CSMD2: variants seen among roughly 807,000 people sequenced by gnomAD.
The protein encoded by CSMD2 is CUB and sushi domain-containing protein 2.
In CSMD2, 130 loss-of-function variants were observed where a neutral mutation model predicts 398.5. The ratio of observed to expected loss-of-function variants is 0.33; its 90% CI spans 0.28 to 0.38. The LOEUF (loss-of-function observed/expected upper bound fraction) is 0.38, where lower values mean the gene tolerates loss of function less well. Ranked by LOEUF, CSMD2 falls within the 10% of genes least tolerant of loss-of-function variation. CSMD2 has a pLI of 1.00. For missense variants in CSMD2, 3,829 were observed against 4,764.9 expected (o/e 0.80, Z 5.78); for synonymous variants, 1,828 against 1,908.5 (o/e 0.96, Z 1.10).
At chr1:33,765,536 T>C (rs540833096) in intron 13 of CSMD2, among the ~76,000 whole-genome samples, 45 of 152,302 alleles carry the variant, frequency 3.0e-4, no homozygotes, top group African/African-American at 5.8e-4. Context: ...ATATTATACA[T>C]TCATCTAAGT....
Position 33,820,523 on chromosome 1 carries a change from ATAT to A in CSMD2, c.1142_1144del (p.Asn381del), listed in dbSNP as rs1657991442. 1 of 1,580,876 alleles carries A rather than the reference ATAT, an allele frequency of 6.3e-7. No individual in the cohort carries two copies. The highest frequency in any genetic ancestry group is 1.4e-5 in the African/African-American group (1 of 73,438). ...TTCGGGTATGCCAGGGTCTGGACAC[ATAT>A]TATGTCCTTGGGACACACCAACCTG... On this transcript the variant is annotated inframe_deletion, in exon 8 of 71. Coordinates refer to ENST00000373381, the MANE Select transcript of CSMD2 (RefSeq NM_001281956.2).
In CSMD2 at chr1:33,724,395, C is replaced by T. The variant is rs1646458237; in HGVS notation, c.2885-82G>A. The T allele has an allele frequency of 1.2e-5, 18 of 1,500,838 alleles. No individual in the cohort carries two copies. The South Asian group carries it at 1.7e-4, about 15-fold the overall frequency. The allele number at this position is 1,500,838 out of a possible 1,614,324, so 93.0% of individuals were successfully genotyped here. ...GTCATCCTCCTGGGACCCCATCCCC[C>T]ATCTCTCGAAAGCCCAACCTTCGCT... On this transcript the variant is annotated intron_variant, in intron 18 of 70. Transcript: ENST00000373381.
intron 3 of CSMD2, among the ~76,000 whole-genome samples, chr1:33,938,511 G>A (rs1188834495): frequency 6.6e-6 from 1 of 150,830 alleles, no homozygotes; most frequent in African/African-American, 2.4e-5. Flanking sequence ...TGGTTTACTT[G>A]GCATTCCCTA....
intron 2 of CSMD2, among the ~76,000 whole-genome samples, chr1:34,069,571 A>T (rs1391113926): frequency 6.6e-6 from 1 of 152,226 alleles, no homozygotes; most frequent in Admixed American, 6.5e-5. Flanking sequence ...GGAGTGCCTG[A>T]CTTTAAAGCT....
rs1404643689 is a variant in CSMD2, at chr1:33,546,044, C to A, written c.9093G>T (p.Glu3031Asp). Residue 3031 changes from glutamate (E) to aspartate (D), a missense_variant, in exon 57 of 71, where the codon GAG becomes GAT. Physicochemically the swap from Glu to Asp is conservative, Grantham distance 45. Coordinates refer to ENST00000373381, the MANE Select transcript of CSMD2 (RefSeq NM_001281956.2). ...AATGGTCACATACATTACCTCCACA[C>A]TCAGGCTGCGAGCCGCTCCACGAGC... ...ANGSWSGSQP[E>D]CGVISCGNPG... The A allele has an allele frequency of 6.2e-7, 1 of 1,612,440 alleles. No homozygotes were observed. Among genetic ancestry groups the A allele is most frequent in the Admixed American group, 1.7e-5 (1 of 59,986 alleles).
At chr1:33,749,659 T>C (rs1349030956) in intron 13 of CSMD2, among the ~76,000 whole-genome samples, 2 of 151,988 alleles carry the variant, frequency 1.3e-5, no homozygotes, top group South Asian at 2.1e-4. Flanking sequence ...TAAGTAGAAA[T>C]AGAAAAGATA....
At position 33,602,580 on chromosome 1, in the gene CSMD2, G is replaced by T. The variant is rs374608102; in HGVS notation, c.6533-34C>A. On this transcript the variant is annotated intron_variant, in intron 42 of 70. Transcript: ENST00000373381. ...GAGGGAACACAAACGTAAGTGCAGG[G>T]CCTCGGTACCCACCTGAGAATTCAG... 1.2e-5 allele frequency: 18 copies of T among 1,521,086 alleles called. No individual in the cohort carries two copies. The South Asian group carries it at 2.1e-4, about 18-fold the overall frequency. 94.2% of individuals were successfully genotyped at this position (1,521,086 alleles called of 1,614,324 possible).
At chr1:34,082,419 G>C (rs1362582428) in intron 2 of CSMD2, among the ~76,000 whole-genome samples, 1 of 151,676 alleles carries the variant, frequency 6.6e-6, no homozygotes, top group East Asian at 2.0e-4. Flanking sequence ...GGAGGTGGGG[G>C]GCGCCCCCGC....
intron 4 of CSMD2, among the ~76,000 whole-genome samples, chr1:33,926,122 C>G (rs1445954697): frequency 6.6e-6 from 1 of 152,176 alleles, no homozygotes; most frequent in African/African-American, 2.4e-5. Flanking sequence ...ATAGCAAACT[C>G]CATGAGAACA....
chr1:33,557,326 C>T (rs1264468427), intron 55 of CSMD2, among the ~76,000 whole-genome samples: 1 of 152,144 alleles, frequency 6.6e-6, no homozygotes, highest in African/African-American at 2.4e-5. Context: ...AGTCTGTGAC[C>T]TCTCTGCTTC....
chr1:33,913,915 C>T (rs747850553), intron 5 of CSMD2, among the ~76,000 whole-genome samples: 1 of 152,056 alleles, frequency 6.6e-6, no homozygotes, highest in Non-Finnish European at 1.5e-5. Flanking sequence ...GGGGGCTTCA[C>T]TTTGCTGATT....
chr1:33,707,691 G>GCACA (rs1239060542), intron 22 of CSMD2, among the ~76,000 whole-genome samples: 5 of 56,836 alleles, frequency 8.8e-5, no homozygotes, highest in African/African-American at 2.4e-4. Context: ...ACACGCGCGC[G>GCACA]CGCGCACACA....
intron 2 of CSMD2, among the ~76,000 whole-genome samples, chr1:34,039,595 T>C (rs12063231): frequency 0.19 from 29,090 of 152,120 alleles, 3,007 homozygotes; most frequent in Middle Eastern, 0.28. Context: ...GGGCATACTA[T>C]GCCATGCAGG....
chr1:33,606,570 C>T (rs1376130106), intron 41 of CSMD2, among the ~76,000 whole-genome samples: 1 of 152,176 alleles, frequency 6.6e-6, no homozygotes, highest in Non-Finnish European at 1.5e-5. Flanking sequence ...CAGGCCTGGC[C>T]CTGCAGCACG....
intron 2 of CSMD2, among the ~76,000 whole-genome samples, chr1:34,063,764 G>A (rs967361393): frequency 2.6e-5 from 4 of 152,164 alleles, no homozygotes; most frequent in Admixed American, 1.3e-4. Flanking sequence ...ATGGAGCTCC[G>A]ATGGGTGCTC....
intron 5 of CSMD2, 53 bp downstream of exon 5, chr1:33,918,041 T>A: frequency 1.3e-6 from 2 of 1,533,016 alleles, no homozygotes; most frequent in South Asian, 2.3e-5. Flanking sequence ...AGCATCCCAG[T>A]AATTCACAGT....
At chr1:34,093,284 T>C (rs1571092347) in intron 1 of CSMD2, among the ~76,000 whole-genome samples, 1 of 151,846 alleles carries the variant, frequency 6.6e-6, no homozygotes, top group African/African-American at 2.4e-5. Context: ...AGACCAAAAG[T>C]AGATAAAACC....
Position 33,559,566 on chromosome 1 carries a change from G to T in CSMD2, c.8381-93C>A. 8.8e-7 allele frequency: 1 copy of T among 1,142,458 alleles called. No homozygotes were observed. Among genetic ancestry groups the T allele is most frequent in the Non-Finnish European group, 1.2e-6 (1 of 805,092 alleles). 70.8% of individuals were successfully genotyped at this position (1,142,458 alleles called of 1,614,324 possible). On this transcript the variant is annotated intron_variant, in intron 53 of 70. Transcript: ENST00000373381. The surrounding 1 kb of genome is among the most constrained non-coding windows in gnomAD (Gnocchi z 4.0). ...TCACCTGGCATCTCTTAGGCCATCA[G>T]TGAAGTTCAGCCCTAAGTCTAACTT... is the stretch of plus-strand genomic sequence containing the variant.
chr1:33,817,786 G>T (rs116704254), intron 9 of CSMD2, among the ~76,000 whole-genome samples: 1 of 152,212 alleles, frequency 6.6e-6, no homozygotes, highest in Non-Finnish European at 1.5e-5. Context: ...ATTCAGAGAG[G>T]TGAAGAAACT....
Sources: allele counts gnomAD v4.1 joint callset (sites outside exome capture counted in the v4.1 genomes callset), GRCh38; gene constraint gnomAD v4.1.1; non-coding constraint Gnocchi (gnomAD v3.1); transcripts MANE v1.5; gene names NCBI Gene and HGNC (gene_info 2026-07-23, HGNC 2026-07-21).